ATP8A1: variants seen among roughly 807,000 people sequenced by gnomAD.
ATP8A1 encodes the protein phospholipid-transporting ATPase IA.
A neutral mutation model predicts 177.7 loss-of-function variants in ATP8A1; 90 were observed. The ratio of observed to expected loss-of-function variants is 0.51; its 90% confidence interval spans 0.43 to 0.60. The LOEUF (loss-of-function observed/expected upper bound fraction) is 0.60. Ranked by LOEUF, ATP8A1 falls within the 20% of genes least tolerant of loss-of-function variation. The probability of loss-of-function intolerance (pLI) is 0.00; values close to 1 mark genes in which losing one functional copy is unlikely to be tolerated. For synonymous variants in ATP8A1, 493 were observed against 485.9 expected, an observed-to-expected ratio of 1.01 and a Z score of -0.19; for missense variants, 1,072 against 1,392.8, an observed-to-expected ratio of 0.77 and a Z score of 3.67.
At chr4:42,619,351 G>A (rs1030845177) in intron 4 of ATP8A1, among the ~76,000 whole-genome samples, 14 of 152,086 alleles carry the variant, frequency 9.2e-5, no homozygotes, top group Admixed American at 3.3e-4. Flanking sequence ...AACATTTTTA[G>A]TGGTAAATAT....
At position 42,586,329 on chromosome 4, in the gene ATP8A1, T is replaced by C. The variant is rs1029564669; in HGVS notation, c.722+20A>G. On this transcript the variant is annotated intron_variant, in intron 9 of 36. Transcript: ENST00000381668. Reference sequence around the variant, plus strand: ...TGACACAGTGGATTCTGTGTTTTTATAAAGACGGATTTTACATACCCATGT... The same window carrying C: ...TGACACAGTGGATTCTGTGTTTTTACAAAGACGGATTTTACATACCCATGT... The C allele has an allele frequency of 6.2e-7, 1 of 1,612,702 alleles. No homozygotes were observed. Among genetic ancestry groups the C allele is most frequent in the Non-Finnish European group, 8.5e-7 (1 of 1,179,436 alleles).
At chr4:42,580,409 A>G (rs986722880) in intron 10 of ATP8A1, among the ~76,000 whole-genome samples, 1 of 152,232 alleles carries the variant, frequency 6.6e-6, no homozygotes, top group African/African-American at 2.4e-5. Context: ...GGAAGGCAAC[A>G]TTTAAAGGAT....
chr4:42,507,793 AAAAAAAAAAAAAAAAAC>A (rs1160270664), intron 22 of ATP8A1, among the ~76,000 whole-genome samples: 2 of 118,094 alleles, frequency 1.7e-5, no homozygotes, highest in African/African-American at 5.7e-5. Context: ...AAAAAAAAAA[AAAAAAAAAAAAAAAAAC>A]ATACAAACAG....
chr4:42,555,182 CTATCTATCTATCT>C (rs1730057718), intron 16 of ATP8A1, among the ~76,000 whole-genome samples: 1 of 134,566 alleles, frequency 7.4e-6, no homozygotes, highest in African/African-American at 3.0e-5. Flanking sequence ...ATCTATCTAT[CTATCTATCTATCT>C]ATCCTATTAG....
intron 33 of ATP8A1, among the ~76,000 whole-genome samples, chr4:42,431,529 G>T (rs1271098488): frequency 6.6e-6 from 1 of 152,050 alleles, no homozygotes; most frequent in Non-Finnish European, 1.5e-5. Flanking sequence ...GCTGTGAATG[G>T]AATCTTTCAT....
In ATP8A1 at chr4:42,561,064, A is replaced by T. The variant is rs569182656; in HGVS notation, c.1341-5024T>A. Among the ~76,000 whole-genome samples, 6 of 152,176 alleles carry T rather than the reference A, an allele frequency of 3.9e-5. No individual in the cohort carries two copies. In the East Asian group the frequency reaches 1.2e-3, roughly 29 times the overall value. On this transcript the variant is annotated intron_variant, in intron 15 of 36. Transcript: ENST00000381668. Reference sequence around the variant, plus strand: ...GAGCCACTGAAACATATATATGTAAATTCAAGCGAATATAGCCATTTTATT... The same window carrying T: ...GAGCCACTGAAACATATATATGTAATTTCAAGCGAATATAGCCATTTTATT...
At chr4:42,602,665 A>T (rs1735408181) in intron 5 of ATP8A1, among the ~76,000 whole-genome samples, 1 of 152,178 alleles carries the variant, frequency 6.6e-6, no homozygotes, top group Admixed American at 6.5e-5. Flanking sequence ...GCTACTTGGG[A>T]GGCTGAGACA....
intron 16 of ATP8A1, among the ~76,000 whole-genome samples, chr4:42,553,545 T>G (rs1244231086): frequency 1.3e-5 from 2 of 152,144 alleles, no homozygotes; most frequent in Non-Finnish European, 2.9e-5. Flanking sequence ...AAATTACATA[T>G]CTTCCTGTCT....
intron 33 of ATP8A1, among the ~76,000 whole-genome samples, chr4:42,432,219 G>A (rs577170837): frequency 2.6e-5 from 4 of 152,128 alleles, no homozygotes; most frequent in South Asian, 4.2e-4. Flanking sequence ...AGAGTACCCC[G>A]AAAACTGGAG....
intron 25 of ATP8A1, among the ~76,000 whole-genome samples, chr4:42,476,017 G>T (rs1721023231): frequency 6.6e-6 from 1 of 151,960 alleles, no homozygotes; most frequent in Non-Finnish European, 1.5e-5. Context: ...CCCAGCCTGG[G>T]CGACAGAGTG....
intron 1 of ATP8A1, among the ~76,000 whole-genome samples, chr4:42,637,394 C>G (rs941455033): frequency 1.2e-4 from 19 of 152,204 alleles, no homozygotes; most frequent in African/African-American, 4.1e-4. Flanking sequence ...CTACCTTCTT[C>G]TCCATCACCC....
chr4:42,608,766 CCT>C (rs1736081852), intron 5 of ATP8A1, among the ~76,000 whole-genome samples: 1 of 152,178 alleles, frequency 6.6e-6, no homozygotes, highest in African/African-American at 2.4e-5. Flanking sequence ...TGCTCCAATT[CCT>C]CTGAGTCAGC....
At chr4:42,530,003 G>T (rs1034845250) in intron 20 of ATP8A1, among the ~76,000 whole-genome samples, 1 of 152,226 alleles carries the variant, frequency 6.6e-6, no homozygotes, top group Non-Finnish European at 1.5e-5. Flanking sequence ...GTCAAAAACC[G>T]TGAAGATATT....
At chr4:42,436,834 A>G (rs1716053458) in intron 33 of ATP8A1, among the ~76,000 whole-genome samples, 1 of 152,220 alleles carries the variant, frequency 6.6e-6, no homozygotes, top group Admixed American at 6.5e-5. Context: ...TAGATCAATA[A>G]AGACTCTTTT....
At chr4:42,498,195 T>G (rs1723476971) in intron 24 of ATP8A1, among the ~76,000 whole-genome samples, 3 of 152,220 alleles carry the variant, frequency 2.0e-5, no homozygotes, top group Admixed American at 1.3e-4. Context: ...CTTTTTTCCC[T>G]TCTTTTCTGG....
At chr4:42,504,014 T>G (rs1724113149) in intron 23 of ATP8A1, among the ~76,000 whole-genome samples, 1 of 152,064 alleles carries the variant, frequency 6.6e-6, no homozygotes, top group South Asian at 2.1e-4. Flanking sequence ...AGGGCAAAAA[T>G]CCTCCCTTTG....
intron 15 of ATP8A1, among the ~76,000 whole-genome samples, chr4:42,557,248 T>C (rs183997583): frequency 6.6e-6 from 1 of 152,282 alleles, no homozygotes; most frequent in East Asian, 1.9e-4. Flanking sequence ...GAACACGTCA[T>C]CATCATCATT....
chr4:42,448,396 C>CTTTTTTTTT (rs1717524401), intron 30 of ATP8A1, among the ~76,000 whole-genome samples: 6 of 84,166 alleles, frequency 7.1e-5, no homozygotes, highest in South Asian at 4.5e-4. Flanking sequence ...CCTTCTCTTT[C>CTTTTTTTTT]TTTTCTTTTT....
At chr4:42,518,028 C>T (rs1245510524) in intron 22 of ATP8A1, among the ~76,000 whole-genome samples, 1 of 152,042 alleles carries the variant, frequency 6.6e-6, no homozygotes, top group Non-Finnish European at 1.5e-5. Flanking sequence ...GGATAAATGC[C>T]TTGTTGTATA....
Sources: allele counts gnomAD v4.1 joint callset (sites outside exome capture counted in the v4.1 genomes callset), GRCh38; gene constraint gnomAD v4.1.1; transcripts MANE v1.5; gene names NCBI Gene and HGNC (gene_info 2026-07-23, HGNC 2026-07-21).